The following CACNA2D4 variants were observed in gnomAD, a reference collection of about 807,000 sequenced individuals.
The protein encoded by CACNA2D4 is voltage-dependent calcium channel subunit alpha-2/delta-4.
A neutral mutation model predicts 163.8 loss-of-function variants in CACNA2D4; 157 were observed. The ratio of observed to expected loss-of-function variants is 0.96; its 90% CI spans 0.84 to 1.09. The LOEUF is 1.09. CACNA2D4 is among the 50% of genes least tolerant of loss of function. The pLI is 0.00. For synonymous variants in CACNA2D4, 598 were observed against 586.9 expected, an observed-to-expected ratio of 1.02 and a Z score of -0.27; for missense variants, 1,410 against 1,479.9, an observed-to-expected ratio of 0.95 and a Z score of 0.78.
chr12:1,838,459 G>C (rs1018898144), intron 26 of CACNA2D4, among the ~76,000 whole-genome samples: 1 of 152,224 alleles, frequency 6.6e-6, no homozygotes, highest in Non-Finnish European at 1.5e-5. Context: ...GCTCCAGCTG[G>C]CCCCAGGATC....
Position 1,828,967 on chromosome 12 carries a change from G to A in CACNA2D4, c.2551+11772C>T, listed in dbSNP as rs1169804990. On this transcript the variant is annotated intron_variant, in intron 26 of 37. Coordinates refer to ENST00000382722, the MANE Select transcript of CACNA2D4 (RefSeq NM_172364.5). The surrounding 1 kb of genome is among the most constrained non-coding windows in gnomAD (Gnocchi z 4.2). ...GTGGCAGGGAGGAAACGGTCCCGCGGGACGGCATTCCGCCTGACTTCCCGC... is the reference window on the plus strand; with the variant it reads ...GTGGCAGGGAGGAAACGGTCCCGCGAGACGGCATTCCGCCTGACTTCCCGC... 6.6e-6 allele frequency among the ~76,000 whole-genome samples: 1 copy of A among 152,194 alleles called. No homozygotes were observed. The highest frequency in any genetic ancestry group is 1.5e-5 in the Non-Finnish European group (1 of 68,046).
chr12:1,797,629 G>T, intron 34 of CACNA2D4, 94 bp from the exon 35 acceptor site: 1 of 933,112 alleles, frequency 1.1e-6, no homozygotes. Flanking sequence ...TCACCCCAGT[G>T]CATTTGCAGA....
At chr12:1,862,016 T>C (rs1437326753) in intron 18 of CACNA2D4, among the ~76,000 whole-genome samples, 4 of 152,228 alleles carry the variant, frequency 2.6e-5, no homozygotes, top group African/African-American at 7.2e-5. Context: ...TTCAAAATAA[T>C]GTTTTCAGCG....
chr12:1,881,653 C>A (rs529425744), intron 13 of CACNA2D4, among the ~76,000 whole-genome samples: 7 of 152,326 alleles, frequency 4.6e-5, no homozygotes, highest in African/African-American at 1.4e-4. Flanking sequence ...TTCTCCCCAC[C>A]CACCTCTCTC....
intron 18 of CACNA2D4, among the ~76,000 whole-genome samples, chr12:1,861,791 G>A (rs908668941): frequency 7.2e-5 from 11 of 152,116 alleles, no homozygotes; most frequent in African/African-American, 2.7e-4. Context: ...GATCTTCCAT[G>A]TATTACCTAA....
chr12:1,886,167 T>C lies in CACNA2D4; in HGVS notation c.993+56A>G, dbSNP rs1231050844. On this transcript the variant is annotated intron_variant, in intron 8 of 37. Coordinates refer to ENST00000382722, the MANE Select transcript of CACNA2D4 (RefSeq NM_172364.5). ...AGGGGTTGTGGGTCACCTTGGTACC[T>C]GTGTATGATTTCTAGAGCAAGTGAG... 5 of 1,593,302 alleles carry C rather than the reference T, an allele frequency of 3.1e-6. No individual in the cohort carries two copies. The African/African-American group carries it at 6.7e-5, about 21-fold the overall frequency.
At chr12:1,850,224 C>A (rs1353571390) in intron 23 of CACNA2D4, among the ~76,000 whole-genome samples, 2 of 152,188 alleles carry the variant, frequency 1.3e-5, no homozygotes, top group East Asian at 3.8e-4. Flanking sequence ...CACAGTTCTG[C>A]CAACAGTGCA....
At chr12:1,809,758 T>G (rs1379489988) in intron 29 of CACNA2D4, among the ~76,000 whole-genome samples, 2 of 152,214 alleles carry the variant, frequency 1.3e-5, no homozygotes, top group Non-Finnish European at 2.9e-5. Context: ...CATCCCCCAT[T>G]TCTTCTCTGA....
rs115768991 is a variant in CACNA2D4 at position 1,821,320 on chromosome 12, C to T, written c.2552-9597G>A. 3.6e-3 allele frequency among the ~76,000 whole-genome samples: 550 copies of T among 152,264 alleles called. 2 individuals carry two copies. Among genetic ancestry groups the T allele is most frequent in the African/African-American group, 0.013 (521 of 41,554 alleles). On this transcript the variant is annotated intron_variant, in intron 26 of 37. Transcript: ENST00000382722. ...TGGATGTCAGAGGCATGGGCACAGA[C>T]CCAGGTCCTGGGCCTCCCTATAGCT...
intron 26 of CACNA2D4, among the ~76,000 whole-genome samples, chr12:1,818,487 A>C (rs4258435): frequency 6.6e-6 from 1 of 151,852 alleles, no homozygotes; most frequent in East Asian, 1.9e-4. Context: ...CCCTGTGCTC[A>C]CTGAAACATG....
chr12:1,800,413 G>A lies in CACNA2D4; in HGVS notation c.2894C>T (p.Thr965Ile). 6.2e-7 allele frequency: 1 copy of A among 1,613,910 alleles called. No homozygotes were observed. The highest frequency in any genetic ancestry group is 1.7e-5 in the Admixed American group (1 of 60,022). ...CACCAGCTCCTGCAGCAGCCACCTG[G>A]TCGCCGTCAAGAAGGCAGAAATTGG... ...VSPISAFLTA[T>I]RWLLQELVLF... The change falls in exon 32 of 38, where the codon ACC becomes ATC. Residue 965 changes from threonine (T) to isoleucine (I), a missense_variant. By Grantham distance (89) the Thr-to-Ile change is moderately conservative. Coordinates refer to ENST00000382722, the MANE Select transcript of CACNA2D4 (RefSeq NM_172364.5).
intron 6 of CACNA2D4, among the ~76,000 whole-genome samples, chr12:1,892,862 T>G (rs1295602829): frequency 1.3e-5 from 2 of 152,082 alleles, no homozygotes; most frequent in Non-Finnish European, 2.9e-5. Context: ...AAAACAAACT[T>G]TAAGTCAAAA....
At chr12:1,813,293 G>T (rs12423421) in intron 26 of CACNA2D4, among the ~76,000 whole-genome samples, 4 of 152,166 alleles carry the variant, frequency 2.6e-5, no homozygotes, top group Admixed American at 1.3e-4. Flanking sequence ...CCTTCAGGGG[G>T]TCCAGGGTGG....
Position 1,829,389 on chromosome 12 carries a change from G to A in CACNA2D4, c.2551+11350C>T, listed in dbSNP as rs1483356475. On this transcript the variant is annotated intron_variant, in intron 26 of 37. Transcript: ENST00000382722. This position sits in a 1 kb window ranked among gnomAD's most constrained non-coding sequence, Gnocchi z 4.2. Reference sequence around the variant, plus strand: ...GCTGATCTGGTAGCAGACGGGCTCAGAGGGGTGAGAGGGTGAGCGGAGACA... The same window carrying A: ...GCTGATCTGGTAGCAGACGGGCTCAAAGGGGTGAGAGGGTGAGCGGAGACA... 1.3e-5 allele frequency among the ~76,000 whole-genome samples: 2 copies of A among 152,302 alleles called. No individual in the cohort carries two copies. The highest frequency in any genetic ancestry group is 2.1e-4 in the South Asian group (1 of 4,830).
rs1479897526 is a variant in CACNA2D4, at chr12:1,839,257, G to C, written c.2551+1482C>G. Among the ~76,000 whole-genome samples, 10 of 152,382 alleles carry C rather than the reference G, an allele frequency of 6.6e-5. No individual in the cohort carries two copies. In the East Asian group the frequency reaches 9.6e-4, roughly 15 times the overall value. On this transcript the variant is annotated intron_variant, in intron 26 of 37. Transcript: ENST00000382722. ...CTGCCAGCTGCGTTCACGGAGCCAGGATGGCTGAGCTCGAATGCCTGTTGG... is the reference window on the plus strand; with the variant it reads ...CTGCCAGCTGCGTTCACGGAGCCAGCATGGCTGAGCTCGAATGCCTGTTGG...
At chr12:1,811,402 G>A (rs1194157822) in intron 27 of CACNA2D4, among the ~76,000 whole-genome samples, 1 of 152,222 alleles carries the variant, frequency 6.6e-6, no homozygotes, top group Non-Finnish European at 1.5e-5. Flanking sequence ...TTTTCAGCGG[G>A]GAGGCATGCC....
chr12:1,862,754 T>C lies in CACNA2D4; in HGVS notation c.1879-2548A>G, dbSNP rs1865551440. Among the ~76,000 whole-genome samples the C allele has an allele frequency of 4.6e-5, 7 of 152,234 alleles. No individual in the cohort carries two copies. The South Asian group carries it at 1.4e-3, about 31-fold the overall frequency. ...ATTTGCATTTCTCTGATGACTAATGTTGAGCATCCTTGCACAGCTTCCTTT... is the reference window on the plus strand; with the variant it reads ...ATTTGCATTTCTCTGATGACTAATGCTGAGCATCCTTGCACAGCTTCCTTT... On this transcript the variant is annotated intron_variant, in intron 18 of 37. Transcript: ENST00000382722.
chr12:1,831,616 G>A (rs950388269), intron 26 of CACNA2D4: 1 of 1,147,634 alleles, frequency 8.7e-7, no homozygotes, highest in South Asian at 1.5e-5. Flanking sequence ...TGCTGACTCA[G>A]AGAGCAGGCC....
Position 1,917,487 on chromosome 12 carries a change from T to C in CACNA2D4, c.227+760A>G, listed in dbSNP as rs1014904125. Reference sequence around the variant, plus strand: ...GCTCAAGCGGCTGGAGTAAACAGGATGGGGTCTGTAGCACCTACAGTCTAG... The same window carrying C: ...GCTCAAGCGGCTGGAGTAAACAGGACGGGGTCTGTAGCACCTACAGTCTAG... On this transcript the variant is annotated intron_variant, in intron 1 of 37. Coordinates refer to ENST00000382722, the MANE Select transcript of CACNA2D4 (RefSeq NM_172364.5). The surrounding 1 kb of genome is among the most constrained non-coding windows in gnomAD (Gnocchi z 4.3). Among the ~76,000 whole-genome samples the C allele has an allele frequency of 3.9e-5, 6 of 152,274 alleles. No individual in the cohort carries two copies. Among genetic ancestry groups the C allele is most frequent in the African/African-American group, 1.4e-4 (6 of 41,560 alleles).
Sources: allele counts gnomAD v4.1 joint callset (sites outside exome capture counted in the v4.1 genomes callset), GRCh38; gene constraint gnomAD v4.1.1; non-coding constraint Gnocchi (gnomAD v3.1); transcripts MANE v1.5; gene names NCBI Gene and HGNC (gene_info 2026-07-23, HGNC 2026-07-21).